The following BTD variants were observed in gnomAD, a reference collection of about 807,000 sequenced individuals.
BTD encodes biotinidase, also known as biocytinase.
Under a neutral mutation model 17.7 loss-of-function variants are expected in BTD, and 13 were observed. That is an observed-to-expected ratio of 0.74 (90% confidence interval 0.48 to 1.17). The LOEUF (loss-of-function observed/expected upper bound fraction) is 1.17, where lower values mean the gene tolerates loss of function less well. Among genes scored for constraint, BTD ranks in the 50% most tolerant of loss-of-function variants. The pLI is 0.00. For missense variants in BTD, 674 were observed against 650.4 expected (o/e 1.04, Z -0.39); for synonymous variants, 240 against 245.2 (o/e 0.98, Z 0.20).
intron 1 of BTD, among the ~76,000 whole-genome samples, chr3:15,607,944 T>C (rs963679043): frequency 2.0e-5 from 3 of 152,254 alleles, no homozygotes; most frequent in Non-Finnish European, 2.9e-5. Context: ...TCTTTGCTTC[T>C]CATTAAATCT....
intron 3 of BTD, chr3:15,669,979 G>A (rs1298135293): frequency 5.9e-6 from 2 of 340,842 alleles, no homozygotes; most frequent in Non-Finnish European, 1.1e-5. Context: ...AGGTTAGAGT[G>A]CACAGTGTCC....
chr3:15,717,969 A>C (rs2073266489), intron 4 of BTD, among the ~76,000 whole-genome samples: 1 of 152,222 alleles, frequency 6.6e-6, no homozygotes, highest in South Asian at 2.1e-4. Flanking sequence ...GAAAAGATTA[A>C]GCAGGAAAAA....
At chr3:15,612,158 A>G (rs2064655778) in intron 1 of BTD, among the ~76,000 whole-genome samples, 1 of 152,120 alleles carries the variant, frequency 6.6e-6, no homozygotes, top group Admixed American at 6.5e-5. Context: ...ACATTGCCAG[A>G]GTTAATAACA....
chr3:15,638,768 T>C (rs2065425861), intron 2 of BTD, among the ~76,000 whole-genome samples: 1 of 152,234 alleles, frequency 6.6e-6, no homozygotes, highest in Admixed American at 6.5e-5. Context: ...CGGCCTACTA[T>C]GCGCCTAGGC....
At chr3:15,631,444 G>T in intron 1 of BTD, 1 of 1,534,562 alleles carries the variant, frequency 6.5e-7, no homozygotes, top group South Asian at 1.2e-5. Context: ...TATTGTAATA[G>T]CATGGCTAGG....
At position 15,666,242 on chromosome 3, in the gene BTD, T is replaced by C. The variant is rs532440963; in HGVS notation, c.399+24185T>C. ...GGAACTTACATAATTTAGTATTCAG[T>C]GTGTGTCTCAACTTCAAAATCAACA... On this transcript the variant is annotated intron_variant, in intron 3 of 3. Transcript: ENST00000672141. Among the ~76,000 whole-genome samples the C allele has an allele frequency of 4.3e-4, 66 of 152,312 alleles. No individual in the cohort carries two copies. The South Asian group carries it at 0.013, about 31-fold the overall frequency.
intron 1 of BTD, among the ~76,000 whole-genome samples, chr3:15,614,327 G>A (rs915538763): frequency 1.3e-5 from 2 of 151,734 alleles, no homozygotes; most frequent in African/African-American, 4.8e-5. Flanking sequence ...TATTGCCCAG[G>A]CTGGTCTTGA....
chr3:15,660,953 C>T (rs942308969), intron 3 of BTD, among the ~76,000 whole-genome samples: 3 of 152,044 alleles, frequency 2.0e-5, no homozygotes, highest in Admixed American at 1.3e-4. Flanking sequence ...AGCCATTTTG[C>T]GTTCCCACCA....
intron 3 of BTD, among the ~76,000 whole-genome samples, chr3:15,688,489 C>CTA: frequency 6.6e-6 from 1 of 152,146 alleles, no homozygotes; most frequent in Non-Finnish European, 1.5e-5. Context: ...GCATTTTAAC[C>CTA]TCTTGTTCAA....
At chr3:15,685,154 G>A in intron 3 of BTD, 3 of 1,522,152 alleles carry the variant, frequency 2.0e-6, no homozygotes, top group South Asian at 2.3e-5. Flanking sequence ...CTTAAAATTT[G>A]CCTTATAAAT....
intron 3 of BTD, chr3:15,670,618 G>A: frequency 6.7e-7 from 1 of 1,499,240 alleles, no homozygotes; most frequent in Admixed American, 2.0e-5. Context: ...CAAAGACAAG[G>A]AAATAAGCCT....
chr3:15,690,184 C>T, intron 3 of BTD: 1 of 1,606,640 alleles, frequency 6.2e-7, no homozygotes, highest in Non-Finnish European at 8.5e-7. Flanking sequence ...AAAGACTGTA[C>T]CAACACTTCC....
At chr3:15,695,613 A>G (rs995706703) in intron 3 of BTD, among the ~76,000 whole-genome samples, 5 of 152,154 alleles carry the variant, frequency 3.3e-5, no homozygotes, top group African/African-American at 9.6e-5. Context: ...ACACACATGA[A>G]TATCTTTTCC....
At chr3:15,678,164 GAT>G in intron 3 of BTD, 1 of 1,540,152 alleles carries the variant, frequency 6.5e-7, no homozygotes, top group Non-Finnish European at 8.8e-7. Flanking sequence ...ATACATAAGT[GAT>G]ACACATACTT....
downstream of BTD, among the ~76,000 whole-genome samples, chr3:15,656,247 A>G (rs1335814053): frequency 1.3e-5 from 2 of 151,960 alleles, no homozygotes; most frequent in African/African-American, 4.8e-5. Flanking sequence ...AAAATAGCCT[A>G]CCCCCTTCCC....
intron 3 of BTD, among the ~76,000 whole-genome samples, chr3:15,697,605 T>G (rs957575879): frequency 6.6e-6 from 1 of 151,782 alleles, no homozygotes; most frequent in Non-Finnish European, 1.5e-5. Flanking sequence ...TGAAGCCGAG[T>G]TGATTGTGGT....
rs77944333 is a variant in BTD, at chr3:15,671,576, T to C, written c.399+29519T>C. Among the ~76,000 whole-genome samples, 3,366 of 150,166 alleles carry C rather than the reference T, an allele frequency of 0.022. 228 individuals are homozygous for C. In the East Asian group the frequency reaches 0.24, roughly 11 times the overall value. ...TTTCAACTTGGAGTCATAAACACTA[T>C]AGTTTTTTTTTTGTTTTTTTTTTTT... On this transcript the variant is annotated intron_variant, in intron 3 of 3. Coordinates refer to the BTD transcript ENST00000672141.
At chr3:15,630,652 A>G (rs2065182940) in intron 1 of BTD, among the ~76,000 whole-genome samples, 1 of 152,246 alleles carries the variant, frequency 6.6e-6, no homozygotes, top group Admixed American at 6.5e-5. Context: ...ACACTTCTGT[A>G]TATCATTCTC....
intron 4 of BTD, among the ~76,000 whole-genome samples, chr3:15,719,025 T>C (rs527892661): frequency 5.3e-5 from 8 of 152,326 alleles, no homozygotes; most frequent in African/African-American, 1.4e-4. Flanking sequence ...ATAAACTTTC[T>C]AGTAATTACT....
Sources: allele counts gnomAD v4.1 joint callset (sites outside exome capture counted in the v4.1 genomes callset), GRCh38; gene constraint gnomAD v4.1.1; transcripts MANE v1.5; gene names NCBI Gene and HGNC (gene_info 2026-07-23, HGNC 2026-07-21).